The following ERBB4 variants were observed in gnomAD, a reference collection of about 807,000 sequenced individuals.
The protein encoded by ERBB4 is receptor tyrosine-protein kinase erbB-4.
Under a neutral mutation model 158.0 loss-of-function variants are expected in ERBB4, and 42 were observed. The observed-to-expected ratio is 0.27, with a 90% CI of 0.21 to 0.34. The LOEUF (loss-of-function observed/expected upper bound fraction) is 0.34. Among genes scored for constraint, ERBB4 ranks in the 10% least tolerant of loss-of-function variants. The pLI, the probability that ERBB4 is intolerant of heterozygous loss-of-function variation, is 1.00. For missense variants in ERBB4, 1,333 were observed against 1,624.1 expected, an observed-to-expected ratio of 0.82 and a Z score of 3.08; for synonymous variants, 583 against 558.7, an observed-to-expected ratio of 1.04 and a Z score of -0.61.
chr2:212,532,464 C>T (rs1426436690), intron 1 of ERBB4, among the ~76,000 whole-genome samples: 3 of 149,152 alleles, frequency 2.0e-5, no homozygotes, highest in African/African-American at 7.6e-5. Context: ...AAAAAGAGGT[C>T]CACTTACAAA....
chr2:211,985,132 G>T (rs2081905660), intron 2 of ERBB4, among the ~76,000 whole-genome samples: 1 of 152,056 alleles, frequency 6.6e-6, no homozygotes, highest in Non-Finnish European at 1.5e-5. Flanking sequence ...TTCGGTTTTG[G>T]CAACAAGACT....
intron 1 of ERBB4, among the ~76,000 whole-genome samples, chr2:212,182,481 T>G (rs1260338233): frequency 6.6e-6 from 1 of 151,854 alleles, no homozygotes; most frequent in Admixed American, 6.6e-5. Context: ...TAGAGTAAAC[T>G]TCCTAGGGAT....
chr2:211,450,006 CTAT>C (rs1394599246), intron 20 of ERBB4, among the ~76,000 whole-genome samples: 4 of 152,296 alleles, frequency 2.6e-5, no homozygotes, highest in Admixed American at 1.3e-4. Context: ...GAAGTACATA[CTAT>C]TATTATTTCC....
chr2:211,663,662 A>G (rs1253602405), intron 15 of ERBB4, among the ~76,000 whole-genome samples: 1 of 152,126 alleles, frequency 6.6e-6, no homozygotes, highest in Non-Finnish European at 1.5e-5. Context: ...CATCCAGACT[A>G]TGGCTCTGTG....
chr2:211,622,294 G>A (rs80344489), intron 18 of ERBB4, among the ~76,000 whole-genome samples: 3,726 of 152,130 alleles, frequency 0.024, 139 homozygotes, highest in African/African-American at 0.084. Flanking sequence ...AGAAACATTT[G>A]TTTCTTTGAA....
At position 211,591,782 on chromosome 2, in the gene ERBB4, A is replaced by C. The variant is rs370549128; in HGVS notation, c.2301+27395T>G. Among the ~76,000 whole-genome samples the C allele has an allele frequency of 3.9e-5, 6 of 152,224 alleles. No homozygotes were observed. The East Asian group carries it at 5.8e-4, about 15-fold the overall frequency. On this transcript the variant is annotated intron_variant, in intron 19 of 27. Coordinates refer to ENST00000342788, the MANE Select transcript of ERBB4 (RefSeq NM_005235.3). ...CAAGTTGAAAGTTTCCAGGTGTCAG[A>C]GTCATAAAAATCCCAGTGTGAATCC...
chr2:212,299,632 A>G (rs2086546994), intron 1 of ERBB4, among the ~76,000 whole-genome samples: 1 of 151,568 alleles, frequency 6.6e-6, no homozygotes, highest in Admixed American at 6.6e-5. Context: ...GTAATGATAT[A>G]GCATTATTTA....
At chr2:211,687,371 A>G (rs2072605860) in intron 12 of ERBB4, among the ~76,000 whole-genome samples, 1 of 151,984 alleles carries the variant, frequency 6.6e-6, no homozygotes, top group Non-Finnish European at 1.5e-5. Context: ...CCTAGTATCT[A>G]TCACTCAGTG....
chr2:212,473,733 A>G (rs1037612105), intron 1 of ERBB4, among the ~76,000 whole-genome samples: 7 of 152,116 alleles, frequency 4.6e-5, no homozygotes, highest in African/African-American at 1.7e-4. Context: ...ATAAAACTAC[A>G]GCTTACTGAT....
At chr2:212,288,187 T>G (rs1331449485) in intron 1 of ERBB4, among the ~76,000 whole-genome samples, 1 of 152,136 alleles carries the variant, frequency 6.6e-6, no homozygotes, top group Non-Finnish European at 1.5e-5. Context: ...TAAGGCCTAA[T>G]ATGCTCCTGG....
At chr2:212,062,089 T>C (rs957288171) in intron 2 of ERBB4, among the ~76,000 whole-genome samples, 59 of 152,204 alleles carry the variant, frequency 3.9e-4, no homozygotes, top group Non-Finnish European at 1.0e-4. Flanking sequence ...AGTTATGAAA[T>C]AGTATTATTT....
chr2:212,493,513 T>C (rs1269819103), intron 1 of ERBB4, among the ~76,000 whole-genome samples: 3 of 151,632 alleles, frequency 2.0e-5, no homozygotes, highest in Non-Finnish European at 3.0e-5. Context: ...TTATTCCACA[T>C]ACTAAAAAAC....
intron 1 of ERBB4, among the ~76,000 whole-genome samples, chr2:212,277,935 A>C (rs2085606371): frequency 6.6e-6 from 1 of 151,326 alleles, no homozygotes; most frequent in South Asian, 2.1e-4. Flanking sequence ...TTGCAATATC[A>C]GTAGGAACAA....
At chr2:211,905,038 G>A (rs2079339419) in intron 3 of ERBB4, among the ~76,000 whole-genome samples, 1 of 152,090 alleles carries the variant, frequency 6.6e-6, no homozygotes, top group Non-Finnish European at 1.5e-5. Context: ...CATTGCTGCT[G>A]TAAAAAACAG....
At chr2:212,104,835 G>A (rs10189975) in intron 2 of ERBB4, among the ~76,000 whole-genome samples, 59,786 of 151,872 alleles carry the variant, frequency 0.39, 12,529 homozygotes, top group Non-Finnish European at 0.46. Context: ...ATAAGTATAC[G>A]TTTGAATTTC....
intron 1 of ERBB4, among the ~76,000 whole-genome samples, chr2:212,536,264 A>C (rs1693053284): frequency 6.9e-6 from 1 of 145,468 alleles, no homozygotes. Context: ...TTATAATAGC[A>C]CTGCATTAAA....
intron 3 of ERBB4, among the ~76,000 whole-genome samples, chr2:211,852,925 G>C (rs1462798832): frequency 1.3e-5 from 2 of 151,812 alleles, no homozygotes; most frequent in Admixed American, 1.3e-4. Flanking sequence ...ATAAATAATA[G>C]ATATCATCAC....
chr2:211,993,498 T>C (rs2082127692), intron 2 of ERBB4, among the ~76,000 whole-genome samples: 1 of 152,024 alleles, frequency 6.6e-6, no homozygotes, highest in African/African-American at 2.4e-5. Context: ...AATAATCTGA[T>C]TTACAAAGAA....
chr2:211,734,893 A>G (rs1259630706), intron 5 of ERBB4, among the ~76,000 whole-genome samples: 1 of 138,936 alleles, frequency 7.2e-6, no homozygotes, highest in Non-Finnish European at 1.5e-5. Context: ...AGCCTGGGCG[A>G]CAAGCGAGAC....
Sources: gnomAD v4.1 joint callset for allele counts (sites outside exome capture counted in the v4.1 genomes callset) on GRCh38, gnomAD v4.1.1 for gene constraint, MANE v1.5 for transcripts, NCBI Gene and HGNC (gene_info 2026-07-23, HGNC 2026-07-21) for gene names.